The following PDZD2 variants were observed in gnomAD, a reference collection of about 807,000 sequenced individuals.
PDZD2 encodes the protein PDZ domain-containing protein 2.
Under a neutral mutation model 220.7 loss-of-function variants are expected in PDZD2, and 90 were observed. The ratio of observed to expected loss-of-function variants is 0.41; its 90% CI spans 0.34 to 0.49. PDZD2 has a LOEUF of 0.49. Ranked by LOEUF, PDZD2 falls within the 20% of genes least tolerant of loss-of-function variation. The pLI is 0.28. For missense variants in PDZD2, 3,174 were observed against 3,608.5 expected, an observed-to-expected ratio of 0.88 and a Z score of 3.08; for synonymous variants, 1,375 against 1,450.5, an observed-to-expected ratio of 0.95 and a Z score of 1.18.
At chr5:31,952,126 G>A (rs1213194460) in intron 2 of PDZD2, among the ~76,000 whole-genome samples, 1 of 152,038 alleles carries the variant, frequency 6.6e-6, no homozygotes, top group Non-Finnish European at 1.5e-5. Context: ...ACATAAATAG[G>A]GATGCCAGAA....
chr5:31,703,920 C>T (rs182036820), intron 1 of PDZD2, among the ~76,000 whole-genome samples: 25 of 151,152 alleles, frequency 1.7e-4, no homozygotes, highest in African/African-American at 2.2e-4. Context: ...TTTCCTTTTT[C>T]TCTCTCTCTC....
chr5:31,865,815 T>G (rs1738174567), intron 2 of PDZD2, among the ~76,000 whole-genome samples: 1 of 151,126 alleles, frequency 6.6e-6, no homozygotes, highest in South Asian at 2.1e-4. Flanking sequence ...GTATTTTTAG[T>G]AGAGGCTGGG....
intron 2 of PDZD2, among the ~76,000 whole-genome samples, chr5:31,865,694 C>T (rs181520219): frequency 1.6e-4 from 20 of 125,852 alleles, no homozygotes; most frequent in African/African-American, 5.9e-4. Context: ...AGTTCAGTGG[C>T]GCAATCTCGT....
At chr5:31,959,494 G>A (rs970133643) in intron 2 of PDZD2, among the ~76,000 whole-genome samples, 14 of 151,966 alleles carry the variant, frequency 9.2e-5, no homozygotes, top group African/African-American at 3.1e-4. Context: ...AAGTACCTGG[G>A]ATTACAGGCA....
At chr5:32,050,811 A>G (rs916600134) in intron 8 of PDZD2, among the ~76,000 whole-genome samples, 3 of 152,130 alleles carry the variant, frequency 2.0e-5, no homozygotes, top group African/African-American at 4.8e-5. Context: ...ATAGAGTGAG[A>G]GACTCTGTCT....
In PDZD2 at chr5:31,880,826, A is replaced by C. The variant is rs1263845688; in HGVS notation, c.476+81102A>C. ...TTTTTTTTTTTTTTTTTTGAGATGA[A>C]GTCTCGCTCTTGTCACCCAGGCTGG... is the stretch of plus-strand genomic sequence containing the variant. On this transcript the variant is annotated intron_variant, in intron 2 of 24. Coordinates refer to ENST00000438447, the MANE Select transcript of PDZD2 (RefSeq NM_178140.4). Among the ~76,000 whole-genome samples the C allele has an allele frequency of 2.2e-4, 10 of 44,998 alleles. No homozygotes were observed. The East Asian group carries it at 3.7e-3, about 17-fold the overall frequency. The allele number at this position is 44,998 out of a possible 152,430, so 29.5% of individuals were successfully genotyped here.
At chr5:31,890,527 G>C (rs77181013) in intron 2 of PDZD2, among the ~76,000 whole-genome samples, 1 of 152,058 alleles carries the variant, frequency 6.6e-6, no homozygotes, top group African/African-American at 2.4e-5. Flanking sequence ...AAAAACAGCC[G>C]AGCCGGGCCT....
At chr5:31,981,244 G>A (rs1750273043) in intron 2 of PDZD2, among the ~76,000 whole-genome samples, 1 of 152,126 alleles carries the variant, frequency 6.6e-6, no homozygotes, top group Non-Finnish European at 1.5e-5. Context: ...TGAGTCATGA[G>A]TACCCCCCAC....
At chr5:31,940,576 A>C (rs1161005388) in intron 2 of PDZD2, among the ~76,000 whole-genome samples, 1 of 152,328 alleles carries the variant, frequency 6.6e-6, no homozygotes, top group African/African-American at 2.4e-5. Flanking sequence ...GGTAGAAGAG[A>C]AGGATCACCC....
At chr5:31,684,886 T>A (rs976931975) in intron 1 of PDZD2, among the ~76,000 whole-genome samples, 1 of 152,218 alleles carries the variant, frequency 6.6e-6, no homozygotes, top group African/African-American at 2.4e-5. Flanking sequence ...GCCCTTTATC[T>A]CATTGTCTTG....
rs1742537747 is a variant in PDZD2, at chr5:32,087,080, C to G, written c.3683-51C>G. On this transcript the variant is annotated intron_variant, in intron 19 of 24. Transcript: ENST00000438447. This position sits in a 1 kb window ranked among gnomAD's most constrained non-coding sequence, Gnocchi z 4.0. ...CTTTCTTATATTATCCCTTTTATCT[C>G]CCCTACAACCTCTCCTGTGTATGTA... The G allele has an allele frequency of 2.0e-6, 2 of 987,758 alleles. No homozygotes were observed. The highest frequency in any genetic ancestry group is 3.0e-5 in the South Asian group (2 of 65,826). The allele number at this position is 987,758 out of a possible 1,614,324, so 61.2% of individuals were successfully genotyped here.
intron 1 of PDZD2, among the ~76,000 whole-genome samples, chr5:31,704,267 C>G (rs1747724624): frequency 6.6e-6 from 1 of 152,186 alleles, no homozygotes; most frequent in Non-Finnish European, 1.5e-5. Context: ...CCAACCTCAG[C>G]CTCCCAAAGT....
intron 1 of PDZD2, among the ~76,000 whole-genome samples, chr5:31,654,808 T>G (rs966296617): frequency 3.9e-5 from 6 of 152,198 alleles, no homozygotes; most frequent in Non-Finnish European, 8.8e-5. Context: ...GGCAGAAAGA[T>G]TCTAGTAACA....
chr5:31,974,003 C>CA (rs1488171198), intron 2 of PDZD2, among the ~76,000 whole-genome samples: 3 of 152,184 alleles, frequency 2.0e-5, no homozygotes, highest in African/African-American at 7.2e-5. Flanking sequence ...TGTTTTGAGA[C>CA]AGAGTCTCAC....
At chr5:31,798,401 C>T (rs576207975) in intron 1 of PDZD2, among the ~76,000 whole-genome samples, 3 of 152,134 alleles carry the variant, frequency 2.0e-5, no homozygotes, top group Admixed American at 6.5e-5. Context: ...TGGTGTTGAT[C>T]GGATCTTTCT....
chr5:31,721,516 CTTTTTTTTTTTT>C (rs752973527), intron 1 of PDZD2, among the ~76,000 whole-genome samples: 1 of 120,342 alleles, frequency 8.3e-6, no homozygotes, highest in East Asian at 2.4e-4. Context: ...ATAACTGCCT[CTTTTTTTTTTTT>C]TTTTTTTTTA....
intron 2 of PDZD2, among the ~76,000 whole-genome samples, chr5:31,946,475 A>G (rs1313147239): frequency 6.6e-6 from 1 of 152,108 alleles, no homozygotes; most frequent in East Asian, 1.9e-4. Context: ...ATATTTGTAA[A>G]ACATTCCTTG....
At chr5:31,778,599 C>T (rs1460005125) in intron 1 of PDZD2, among the ~76,000 whole-genome samples, 1 of 152,152 alleles carries the variant, frequency 6.6e-6, no homozygotes, top group Admixed American at 6.5e-5. Flanking sequence ...GACCATGAAC[C>T]CACCAGCAGG....
At chr5:31,822,771 G>A in intron 2 of PDZD2, 3 of 1,030,012 alleles carry the variant, frequency 2.9e-6, no homozygotes, top group South Asian at 2.5e-5. Context: ...TCCTGCAGAT[G>A]TATTTTTCAC....
Sources: gnomAD v4.1 joint callset for allele counts (sites outside exome capture counted in the v4.1 genomes callset) on GRCh38, gnomAD v4.1.1 for gene constraint, Gnocchi (gnomAD v3.1) non-coding constraint, MANE v1.5 for transcripts, NCBI Gene and HGNC (gene_info 2026-07-23, HGNC 2026-07-21) for gene names.